The following C17orf99 variants were observed in gnomAD, a reference collection of about 807,000 sequenced individuals.
The protein encoded by C17orf99 is chromosome 17 open reading frame 99, also known as protein IL-40.
Under a neutral mutation model 22.6 loss-of-function variants are expected in C17orf99, and 18 were observed. The observed-to-expected ratio is 0.80, with a 90% CI of 0.55 to 1.18. C17orf99 has a LOEUF of 1.18. Ranked by LOEUF, C17orf99 falls within the 50% of genes most tolerant of loss-of-function variation. The pLI is 0.00. For synonymous variants in C17orf99, 147 were observed against 136.6 expected (o/e 1.08, Z -0.53); for missense variants, 328 against 342.7 (o/e 0.96, Z 0.34).
chr17:78,148,026 T>C (rs1338022680), intron 2 of C17orf99, among the ~76,000 whole-genome samples: 6 of 152,132 alleles, frequency 3.9e-5, no homozygotes, highest in Non-Finnish European at 7.4e-5. Flanking sequence ...CCTGAGAATG[T>C]GGCAAGGCAC....
chr17:78,165,399 G>C, intron 4 of C17orf99: 1 of 985,468 alleles, frequency 1.0e-6, no homozygotes, highest in Non-Finnish European at 1.2e-6. Context: ...ATGTCACCTC[G>C]CCGAGCCTCA....
intron 3 of C17orf99, among the ~76,000 whole-genome samples, chr17:78,163,702 C>CA (rs1009880972): frequency 1.1e-4 from 16 of 152,142 alleles, no homozygotes; most frequent in African/African-American, 3.9e-4. Context: ...CCCATCTCTG[C>CA]AAAAAATACA....
At chr17:78,158,044 A>G (rs1244986067) in intron 2 of C17orf99, 1 of 1,355,254 alleles carries the variant, frequency 7.4e-7, no homozygotes, top group South Asian at 1.2e-5. Flanking sequence ...GGCACCTATC[A>G]CTGCTCCAGG....
At chr17:78,160,001 CT>C in intron 2 of C17orf99, 1 of 448,358 alleles carries the variant, frequency 2.2e-6, no homozygotes, top group South Asian at 1.6e-5. Flanking sequence ...CACCATTTGG[CT>C]GTGGTGAATC....
chr17:78,158,290 C>T lies in C17orf99; in HGVS notation c.71-2665C>T, dbSNP rs184112154. The T allele has an allele frequency of 1.3e-4, 56 of 437,672 alleles. No individual in the cohort carries two copies. In the East Asian group the frequency reaches 2.7e-3, roughly 21 times the overall value. 27.1% of individuals were successfully genotyped at this position (437,672 alleles called of 1,614,324 possible). ...TGCCCTGGTCCTAGGCTGCTGGACTCCTCCTACACATTTTTTTTTTTTGAG... is the reference window on the plus strand; with the variant it reads ...TGCCCTGGTCCTAGGCTGCTGGACTTCTCCTACACATTTTTTTTTTTTGAG... On this transcript the variant is annotated intron_variant, in intron 2 of 4. Coordinates refer to ENST00000340363, the MANE Select transcript of C17orf99 (RefSeq NM_001163075.2).
At position 78,149,916 on chromosome 17, in the gene C17orf99, A is replaced by G. The variant is rs192960872; in HGVS notation, c.70+3005A>G. 3.1e-3 allele frequency among the ~76,000 whole-genome samples: 474 copies of G among 151,864 alleles called. 1 individual carries two copies. Among genetic ancestry groups the G allele is most frequent in the South Asian group, 0.016 (76 of 4,810 alleles). ...ACTAGAGATGGGGTTTCACCATGTTAGCCAGGATGGTGTTGATCGCTTGAC... is the reference window on the plus strand; with the variant it reads ...ACTAGAGATGGGGTTTCACCATGTTGGCCAGGATGGTGTTGATCGCTTGAC... On this transcript the variant is annotated intron_variant, in intron 2 of 4. Coordinates refer to ENST00000340363, the MANE Select transcript of C17orf99 (RefSeq NM_001163075.2).
Position 78,146,953 on chromosome 17 carries a change from G to A in C17orf99, c.70+42G>A. Reference sequence around the variant, plus strand: ...GCTGCAGGGAGAAGTCCCCCAGCTGGGACCCTGGTGTCAGAACCCCCATGG... The same window carrying A: ...GCTGCAGGGAGAAGTCCCCCAGCTGAGACCCTGGTGTCAGAACCCCCATGG... On this transcript the variant is annotated intron_variant, in intron 2 of 4. Transcript: ENST00000340363. This position sits in a 1 kb window ranked among gnomAD's most constrained non-coding sequence, Gnocchi z 5.2. 2.0e-6 allele frequency: 3 copies of A among 1,536,740 alleles called. No homozygotes were observed. The highest frequency in any genetic ancestry group is 2.6e-6 in the Non-Finnish European group (3 of 1,133,536).
Position 78,164,082 on chromosome 17 carries a change from C to T in C17orf99, c.371-13C>T. On this transcript the variant is annotated splice_polypyrimidine_tract_variant and intron_variant, in intron 3 of 4. Transcript: ENST00000340363. ...CTCAGCCATGCCTGTGCTACCTTCT[C>T]CCACCCTGCCAGAGCCAGTGTCTGA... is the stretch of plus-strand genomic sequence containing the variant. 6.4e-7 allele frequency: 1 copy of T among 1,550,768 alleles called. No individual in the cohort carries two copies. Among genetic ancestry groups the T allele is most frequent in the Non-Finnish European group, 8.7e-7 (1 of 1,146,194 alleles).
In C17orf99 at chr17:78,146,663, C is replaced by T. The variant is rs1362964871; in HGVS notation, c.38-216C>T. On this transcript the variant is annotated intron_variant, in intron 1 of 4. Transcript: ENST00000340363. This position sits in a 1 kb window ranked among gnomAD's most constrained non-coding sequence, Gnocchi z 5.2. ...TTTCTGCACCATTCTGGGCTCACTA[C>T]TTACCCATCTGCGAAATGGGCGGAT... Among the ~76,000 whole-genome samples the T allele has an allele frequency of 2.0e-5, 3 of 152,112 alleles. No homozygotes were observed. Among genetic ancestry groups the T allele is most frequent in the Non-Finnish European group, 4.4e-5 (3 of 68,018 alleles).
In C17orf99 at chr17:78,146,835, C is replaced by G; in HGVS notation, c.38-44C>G. 1.9e-6 allele frequency: 3 copies of G among 1,546,018 alleles called. No individual in the cohort carries two copies. The highest frequency in any genetic ancestry group is 2.6e-6 in the Non-Finnish European group (3 of 1,142,178). ...GTCTCGAGGCTGTCTCTGGTCTCCC[C>G]TCCACACCAGGCCCTCTCCTTATCG... On this transcript the variant is annotated intron_variant, in intron 1 of 4. Transcript: ENST00000340363. The surrounding 1 kb of genome is among the most constrained non-coding windows in gnomAD (Gnocchi z 5.2).
intron 4 of C17orf99, chr17:78,165,272 A>T: frequency 1.0e-6 from 1 of 986,610 alleles, no homozygotes; most frequent in Non-Finnish European, 1.2e-6. Flanking sequence ...CCTGGTTCTC[A>T]TCCTCTGCCC....
At chr17:78,151,423 CAAAAAAAAAAAAA>C (rs35828431) in intron 2 of C17orf99, among the ~76,000 whole-genome samples, 12 of 56,186 alleles carry the variant, frequency 2.1e-4, no homozygotes, top group African/African-American at 8.1e-4. Context: ...GACTCTGTCT[CAAAAAAAAAAAAA>C]AAAAAAAAAA....
In C17orf99 at chr17:78,161,114, C is replaced by G. The variant is rs1331474242; in HGVS notation, c.230C>G (p.Thr77Ser). The G allele has an allele frequency of 1.3e-6, 2 of 1,551,768 alleles. No individual in the cohort carries two copies. The highest frequency in any genetic ancestry group is 1.7e-6 in the Non-Finnish European group (2 of 1,147,006). Residue 77 changes from threonine to serine, a missense_variant, in exon 3 of 5, where the codon ACC becomes AGC. Thr to Ser is a moderately conservative substitution (Grantham distance 58, BLOSUM62 1). Transcript: ENST00000340363. The stretch of plus-strand genomic sequence containing the variant: ...AAGGTGGCCAAGAAGGTGGTGAAGA[C>G]CCACGAGCCGGCCTCCTTCAACCTC... ...NIKVAKKVVKTHEPASFNLNV... is the reference protein window; with the variant it reads ...NIKVAKKVVKSHEPASFNLNV...
chr17:78,164,113 G>A lies in C17orf99; in HGVS notation c.389G>A (p.Arg130Gln), dbSNP rs528392197. 18 of 1,551,680 alleles carry A rather than the reference G, an allele frequency of 1.2e-5. No individual in the cohort carries two copies. The highest frequency in any genetic ancestry group is 9.8e-5 in the East Asian group (4 of 40,918). Residue 130 changes from arginine (R) to glutamine (Q), a missense_variant, in exon 4 of 5, where the codon CGG (arginine) becomes CAG (glutamine). Transcript: ENST00000340363. ...ELWSKPVSEL[R>Q]ANFTLQDRGA... ...CTGCCAGAGCCAGTGTCTGAGCTGC[G>A]GGCCAACTTCACTCTGCAGGACAGA... is the stretch of plus-strand genomic sequence containing the variant.
chr17:78,157,848 G>T (rs62079082), intron 2 of C17orf99: 69,903 of 963,800 alleles, frequency 0.073, 4,375 homozygotes, highest in Middle Eastern at 0.19. Flanking sequence ...GTACTCAAAG[G>T]CCGGCCACGT....
chr17:78,148,999 C>G (rs1216957448), intron 2 of C17orf99, among the ~76,000 whole-genome samples: 1 of 151,872 alleles, frequency 6.6e-6, no homozygotes, highest in Non-Finnish European at 1.5e-5. Context: ...CAGCTGCTGG[C>G]AGATGGCATG....
At chr17:78,161,455 C>T (rs2075576079) in intron 3 of C17orf99, among the ~76,000 whole-genome samples, 2 of 152,138 alleles carry the variant, frequency 1.3e-5, no homozygotes, top group African/African-American at 4.8e-5. Flanking sequence ...CTGGCTGGGG[C>T]CCTGAGGGCA....
rs903834071 is a variant in C17orf99, at chr17:78,146,716, G to A, written c.38-163G>A. On this transcript the variant is annotated intron_variant, in intron 1 of 4. Coordinates refer to ENST00000340363, the MANE Select transcript of C17orf99 (RefSeq NM_001163075.2). The surrounding 1 kb of genome is among the most constrained non-coding windows in gnomAD (Gnocchi z 5.2). ...GAGGCGATGTTGTGGGGGGAGGGGC[G>A]CAAAAGAGCTTTTGTGAGTGATGGT... 60 of 705,122 alleles carry A rather than the reference G, an allele frequency of 8.5e-5. 1 individual carries two copies. In the Admixed American group the frequency reaches 1.2e-3, roughly 14 times the overall value. The allele number at this position is 705,122 out of a possible 1,614,324, so 43.7% of individuals were successfully genotyped here.
intron 4 of C17orf99, chr17:78,164,621 G>A (rs550176387): frequency 1.5e-5 from 23 of 1,504,874 alleles, no homozygotes; most frequent in Admixed American, 8.0e-5. Flanking sequence ...CCTCCACTGC[G>A]GCCATCACCT....
Sources: gnomAD v4.1 joint callset for allele counts (sites outside exome capture counted in the v4.1 genomes callset) on GRCh38, gnomAD v4.1.1 for gene constraint, Gnocchi (gnomAD v3.1) non-coding constraint, MANE v1.5 for transcripts, NCBI Gene and HGNC (gene_info 2026-07-23, HGNC 2026-07-21) for gene names.